Variants in INTS14 observed in about 807,000 individuals in gnomAD.
INTS14 encodes the protein integrator complex subunit 14.
In INTS14, 27 loss-of-function variants were observed where a neutral mutation model predicts 56.9. That is an observed-to-expected ratio of 0.47 (90% CI 0.35 to 0.65). The LOEUF (loss-of-function observed/expected upper bound fraction) is 0.65, where lower values mean the gene tolerates loss of function less well. Among genes scored for constraint, INTS14 ranks in the 30% least tolerant of loss-of-function variants. The pLI is 0.00. For missense variants in INTS14, 517 were observed against 632.2 expected, an observed-to-expected ratio of 0.82 and a Z score of 1.95; for synonymous variants, 207 against 236.2, an observed-to-expected ratio of 0.88 and a Z score of 1.13.
Position 65,602,577 on chromosome 15 carries a change from G to A in INTS14, c.330+2552C>T, listed in dbSNP as rs1468659847. On this transcript the variant is annotated intron_variant, in intron 3 of 11. Transcript: ENST00000313182. Reference sequence around the variant, plus strand: ...TGGGATTACAGGCGTGAGCCGTCGCGCCTGGCCAAAAATTCCACATTTAAG... The same window carrying A: ...TGGGATTACAGGCGTGAGCCGTCGCACCTGGCCAAAAATTCCACATTTAAG... 8.6e-5 allele frequency among the ~76,000 whole-genome samples: 13 copies of A among 151,822 alleles called. 1 individual carries two copies. The South Asian group carries it at 2.7e-3, about 32-fold the overall frequency.
chr15:65,582,400 A>G (rs1370722344), intron 10 of INTS14, among the ~76,000 whole-genome samples: 1 of 152,192 alleles, frequency 6.6e-6, no homozygotes, highest in East Asian at 1.9e-4. Flanking sequence ...ACATCATACC[A>G]TATACAAAAA....
At chr15:65,581,292 ATTGT>A (rs1332126960) in intron 11 of INTS14, among the ~76,000 whole-genome samples, 1 of 143,210 alleles carries the variant, frequency 7.0e-6, no homozygotes, top group Non-Finnish European at 1.5e-5. Flanking sequence ...AGGCAGGAGA[ATTGT>A]TTGAGCCCGC....
chr15:65,591,642 G>A lies in INTS14; in HGVS notation c.1076C>T (p.Pro359Leu). 6.2e-7 allele frequency: 1 copy of A among 1,614,148 alleles called. No homozygotes were observed. The highest frequency in any genetic ancestry group is 1.1e-5 in the South Asian group (1 of 91,076). Reference protein sequence around the residue: ...MMSLFEPGPEPLPWLGKMAQL... With the variant: ...MMSLFEPGPELLPWLGKMAQL... ...TGCCATTTTCCCTAGCCATGGGAGAGGTTCTGGGCCAGGCTCAAAGAGAGA... is the reference window on the plus strand; with the variant it reads ...TGCCATTTTCCCTAGCCATGGGAGAAGTTCTGGGCCAGGCTCAAAGAGAGA... The change falls in exon 9 of 12, where the codon CCT becomes CTT. Residue 359 changes from proline to leucine, a missense_variant. Coordinates refer to ENST00000313182, the MANE Select transcript of INTS14 (RefSeq NM_001394796.1).
At chr15:65,605,674 G>C (rs1298799519) in intron 2 of INTS14, among the ~76,000 whole-genome samples, 1 of 152,156 alleles carries the variant, frequency 6.6e-6, no homozygotes, top group Non-Finnish European at 1.5e-5. Flanking sequence ...TTAAGGTATA[G>C]AAAGATTAAA....
chr15:65,610,881 G>A (rs1355800936), intron 1 of INTS14: 4 of 1,500,604 alleles, frequency 2.7e-6, no homozygotes, highest in Non-Finnish European at 3.5e-6. Context: ...GGGCGAAATC[G>A]TGCAGTTTAC....
At chr15:65,610,844 A>G in intron 1 of INTS14, 2 of 1,529,224 alleles carry the variant, frequency 1.3e-6, no homozygotes, top group Non-Finnish European at 8.7e-7. Flanking sequence ...TCTCTTGGAA[A>G]GAGGGGGCAG....
At chr15:65,610,977 G>T (rs1001711022) in intron 1 of INTS14, 121 bp downstream of exon 1, 2 of 1,489,944 alleles carry the variant, frequency 1.3e-6, no homozygotes, top group South Asian at 2.5e-5. Context: ...GCGCGGGGCG[G>T]CCGCCACGGT....
Position 65,607,221 on chromosome 15 carries a change from C to T in INTS14, c.160G>A (p.Val54Met). Residue 54 changes from valine to methionine, a missense_variant, in exon 2 of 12, where the codon GTG (valine) becomes ATG (methionine). Physicochemically the swap from Val to Met is conservative, Grantham distance 21. Transcript: ENST00000313182. ...AACTCCCAAAGTGATGAAAAAACCACAAGTGCTGTAAATTCAAGCTTGTAA... is the reference window on the plus strand; with the variant it reads ...AACTCCCAAAGTGATGAAAAAACCATAAGTGCTGTAAATTCAAGCTTGTAA... ...TNYKLEFTAL[V>M]VFSSLWELMV... 2 of 1,614,198 alleles carry T rather than the reference C, an allele frequency of 1.2e-6. No homozygotes were observed. Among genetic ancestry groups the T allele is most frequent in the East Asian group, 4.5e-5 (2 of 44,884 alleles).
At chr15:65,610,183 A>C (rs1481364094) in intron 1 of INTS14, among the ~76,000 whole-genome samples, 1 of 152,180 alleles carries the variant, frequency 6.6e-6, no homozygotes, top group Non-Finnish European at 1.5e-5. Context: ...AACATGGTGA[A>C]ACCCCATCTC....
intron 1 of INTS14, among the ~76,000 whole-genome samples, chr15:65,609,527 A>C (rs901674545): frequency 6.6e-6 from 1 of 152,216 alleles, no homozygotes; most frequent in African/African-American, 2.4e-5. Flanking sequence ...AACTTATCAC[A>C]GTAACTGGCA....
At chr15:65,596,403 A>G (rs2073213542) in intron 6 of INTS14, among the ~76,000 whole-genome samples, 1 of 152,170 alleles carries the variant, frequency 6.6e-6, no homozygotes, top group Non-Finnish European at 1.5e-5. Flanking sequence ...TAATATAAAA[A>G]CTTAAAAACA....
rs556372547 is a variant in INTS14 at position 65,598,003 on chromosome 15, C to T, written c.748+318G>A. The stretch of plus-strand genomic sequence containing the variant: ...ATCCCCTATCTGAAAATCTGAAATC[C>T]GAAATGCTCAACAATCCACAACTAT... On this transcript the variant is annotated intron_variant, in intron 6 of 11. Transcript: ENST00000313182. Among the ~76,000 whole-genome samples the T allele has an allele frequency of 4.6e-5, 7 of 152,212 alleles. No homozygotes were observed. In the East Asian group the frequency reaches 9.7e-4, roughly 21 times the overall value.
At chr15:65,592,524 TCAGAATG>T (rs1450716522) in intron 8 of INTS14, among the ~76,000 whole-genome samples, 3 of 152,062 alleles carry the variant, frequency 2.0e-5, no homozygotes, top group Non-Finnish European at 4.4e-5. Context: ...GGCTCTGGAG[TCAGAATG>T]CATGGGTAAG....
intron 2 of INTS14, among the ~76,000 whole-genome samples, chr15:65,606,859 A>T (rs1359146523): frequency 6.6e-6 from 1 of 152,180 alleles, no homozygotes; most frequent in Non-Finnish European, 1.5e-5. Flanking sequence ...GAGCCTAAAG[A>T]TCCTAAATTT....
chr15:65,589,780 G>A (rs2072957914), intron 9 of INTS14, among the ~76,000 whole-genome samples: 1 of 151,828 alleles, frequency 6.6e-6, no homozygotes, highest in Non-Finnish European at 1.5e-5. Flanking sequence ...CTCAAAATTT[G>A]TGAACCACTG....
chr15:65,579,444 G>A lies in INTS14; in HGVS notation c.1521C>T (p.His507=), dbSNP rs1369217977. The A allele has an allele frequency of 6.2e-7, 1 of 1,613,892 alleles. No individual in the cohort carries two copies. The highest frequency in any genetic ancestry group is 1.3e-5 in the African/African-American group (1 of 75,074). ...AAYDQNITPL[H]TDFSGSSTER... is the part of the protein sequence containing the mutation. ...CAGTGCTGCTCCCAGAGAAGTCCGT[G>A]TGCAAAGGTGTGATGTTCTGGTCAT... is the stretch of plus-strand genomic sequence containing the variant. The change falls in exon 12 of 12, where the codon CAC becomes CAT. Residue 507 remains histidine, a synonymous_variant. Coordinates refer to ENST00000313182, the MANE Select transcript of INTS14 (RefSeq NM_001394796.1).
intron 9 of INTS14, among the ~76,000 whole-genome samples, chr15:65,589,050 T>C (rs367854261): frequency 6.6e-6 from 1 of 152,192 alleles, no homozygotes; most frequent in Non-Finnish European, 1.5e-5. Context: ...TGAAGAACAA[T>C]TGTAACAAGC....
intron 1 of INTS14, among the ~76,000 whole-genome samples, chr15:65,608,958 C>A (rs551918387): frequency 6.6e-6 from 1 of 152,192 alleles, no homozygotes; most frequent in Non-Finnish European, 1.5e-5. Flanking sequence ...AGTGCAGTGG[C>A]GCGATCTCCG....
intron 1 of INTS14, among the ~76,000 whole-genome samples, chr15:65,608,315 C>T (rs752482409): frequency 2.0e-5 from 3 of 148,978 alleles, no homozygotes; most frequent in Non-Finnish European, 4.4e-5. Flanking sequence ...CGAGATCGTG[C>T]CACTGCACTC....
Sources: gnomAD v4.1 joint callset for allele counts (sites outside exome capture counted in the v4.1 genomes callset) on GRCh38, gnomAD v4.1.1 for gene constraint, MANE v1.5 for transcripts, NCBI Gene and HGNC (gene_info 2026-07-23, HGNC 2026-07-21) for gene names.